TCF7L1: variants seen among roughly 807,000 people sequenced by gnomAD.
TCF7L1 encodes the protein transcription factor 7-like 1.
In TCF7L1, 18 loss-of-function variants were observed where a neutral mutation model predicts 63.7. The ratio of observed to expected loss-of-function variants is 0.28; its 90% CI spans 0.20 to 0.42. The LOEUF (loss-of-function observed/expected upper bound fraction) is 0.42. Ranked by LOEUF, TCF7L1 falls within the 10% of genes least tolerant of loss-of-function variation. TCF7L1 has a pLI of 1.00. For missense variants in TCF7L1, 654 were observed against 779.3 expected (o/e 0.84, Z 1.91); for synonymous variants, 355 against 340.9 (o/e 1.04, Z -0.46).
At chr2:85,298,983 C>T (rs1204853470) in intron 4 of TCF7L1, among the ~76,000 whole-genome samples, 2 of 151,976 alleles carry the variant, frequency 1.3e-5, no homozygotes, top group Non-Finnish European at 2.9e-5. Flanking sequence ...TAAGAACTCA[C>T]ACAGCATTTC....
At chr2:85,167,461 C>T (rs1558621837) in intron 3 of TCF7L1, 1 of 152,246 alleles carries the variant, frequency 6.6e-6, no homozygotes. Context: ...ACATTCACTG[C>T]AGCACTATTC....
chr2:85,251,513 A>G (rs934138202), intron 3 of TCF7L1, among the ~76,000 whole-genome samples: 11 of 152,172 alleles, frequency 7.2e-5, no homozygotes, highest in African/African-American at 2.7e-4. Context: ...AAGTCATCAC[A>G]CTGCTAATTG....
intron 3 of TCF7L1, among the ~76,000 whole-genome samples, chr2:85,221,340 A>G (rs1679836399): frequency 6.6e-6 from 1 of 152,190 alleles, no homozygotes; most frequent in Non-Finnish European, 1.5e-5. Context: ...TTCTTTACAG[A>G]AGTATTTCAG....
At chr2:85,263,500 G>A (rs1330236784) in intron 3 of TCF7L1, among the ~76,000 whole-genome samples, 1 of 152,166 alleles carries the variant, frequency 6.6e-6, no homozygotes, top group African/African-American at 2.4e-5. Context: ...GTTGTAGAGA[G>A]TGAGGGAAAG....
intron 3 of TCF7L1, among the ~76,000 whole-genome samples, chr2:85,163,447 C>T (rs966099612): frequency 4.6e-5 from 7 of 152,266 alleles, no homozygotes; most frequent in Non-Finnish European, 7.3e-5. Context: ...AGACCTACCT[C>T]GGACCATCCC....
intron 4 of TCF7L1, among the ~76,000 whole-genome samples, chr2:85,295,453 G>A (rs184790990): frequency 7.2e-5 from 11 of 152,104 alleles, no homozygotes; most frequent in East Asian, 1.9e-4. Context: ...TGCCCGCCTC[G>A]GCCTCCCAAA....
chr2:85,232,624 C>T (rs1680109087), intron 3 of TCF7L1, among the ~76,000 whole-genome samples: 1 of 152,166 alleles, frequency 6.6e-6, no homozygotes, highest in Non-Finnish European at 1.5e-5. Context: ...ATTCTCCTTC[C>T]CACTATTTTC....
chr2:85,155,963 G>T (rs1678135053), intron 3 of TCF7L1, among the ~76,000 whole-genome samples: 1 of 152,182 alleles, frequency 6.6e-6, no homozygotes, highest in African/African-American at 2.4e-5. Flanking sequence ...CTCATATGTG[G>T]TCCTCAGTGA....
intron 3 of TCF7L1, among the ~76,000 whole-genome samples, chr2:85,162,101 G>GT (rs1678300861): frequency 3.3e-5 from 5 of 151,940 alleles, no homozygotes; most frequent in Non-Finnish European, 5.9e-5. Flanking sequence ...TGGGTGTGGT[G>GT]ATGCATGCCT....
At chr2:85,153,381 AC>A (rs1678067761) in intron 3 of TCF7L1, among the ~76,000 whole-genome samples, 1 of 112,738 alleles carries the variant, frequency 8.9e-6, no homozygotes, top group Admixed American at 1.2e-4. Context: ...TTGCTCTGTC[AC>A]CCAGGCTGGA....
In TCF7L1 at chr2:85,134,298, C is replaced by G; in HGVS notation, c.314-25C>G. ...CTGTCAGTCCCGGGGGCCTGGGCCT[C>G]ACCTCGCCTTGGTCTTGTTCGCAGT... On this transcript the variant is annotated intron_variant, in intron 2 of 11. Transcript: ENST00000282111. The surrounding 1 kb of genome is among the most constrained non-coding windows in gnomAD (Gnocchi z 5.0). 6.4e-7 allele frequency: 1 copy of G among 1,568,462 alleles called. No individual in the cohort carries two copies. Among genetic ancestry groups the G allele is most frequent in the Non-Finnish European group, 8.6e-7 (1 of 1,156,380 alleles).
chr2:85,305,291 G>T lies in TCF7L1; in HGVS notation c.877G>T (p.Val293Leu), dbSNP rs1377343562. 6.2e-7 allele frequency: 1 copy of T among 1,613,862 alleles called. No homozygotes were observed. The highest frequency in any genetic ancestry group is 1.3e-5 in the African/African-American group (1 of 74,830). Residue 293 changes from valine to leucine, a missense_variant, in exon 8 of 12, where the codon GTG (valine) becomes TTG (leucine). By Grantham distance (32) the Val-to-Leu change is conservative. Coordinates refer to ENST00000282111, the MANE Select transcript of TCF7L1 (RefSeq NM_031283.3). ...LVSSRFSPHM[V>L]APAHPGLPTS... The stretch of plus-strand genomic sequence containing the variant: ...CTCCAGTCGGTTCTCTCCTCACATG[G>T]TGGCTCCTGCCCACCCTGGCCTGCC...
chr2:85,256,999 A>G (rs981039467), intron 3 of TCF7L1, among the ~76,000 whole-genome samples: 2 of 151,058 alleles, frequency 1.3e-5, no homozygotes, highest in African/African-American at 2.4e-5. Flanking sequence ...AAAAAATTAC[A>G]TATTAAAAAT....
chr2:85,277,948 C>A (rs570936480), intron 3 of TCF7L1, among the ~76,000 whole-genome samples: 1 of 152,298 alleles, frequency 6.6e-6, no homozygotes, highest in South Asian at 2.1e-4. Context: ...GCCCTCCCTA[C>A]CTTCTGGGAG....
At chr2:85,167,738 C>G (rs1678451481) in intron 3 of TCF7L1, among the ~76,000 whole-genome samples, 1 of 152,130 alleles carries the variant, frequency 6.6e-6, no homozygotes, top group Non-Finnish European at 1.5e-5. Flanking sequence ...GTGGCACATG[C>G]CCGTAGTTTC....
intron 3 of TCF7L1, among the ~76,000 whole-genome samples, chr2:85,176,211 G>A (rs897666723): frequency 2.0e-5 from 3 of 152,082 alleles, no homozygotes; most frequent in South Asian, 4.2e-4. Context: ...TGTAGCTCTC[G>A]TGCAGCAGCA....
chr2:85,170,518 T>C (rs1046484232), intron 3 of TCF7L1, among the ~76,000 whole-genome samples: 5 of 152,188 alleles, frequency 3.3e-5, no homozygotes, highest in Non-Finnish European at 7.3e-5. Context: ...TTATAATCAG[T>C]AGCTCTTCCT....
intron 3 of TCF7L1, among the ~76,000 whole-genome samples, chr2:85,196,657 A>C (rs192972625): frequency 1.3e-4 from 20 of 152,232 alleles, no homozygotes; most frequent in Admixed American, 7.2e-4. Flanking sequence ...GGTGCAAGCC[A>C]CCACACCCAG....
chr2:85,263,320 G>GA (rs1411186503), intron 3 of TCF7L1, among the ~76,000 whole-genome samples: 1 of 68,486 alleles, frequency 1.5e-5, no homozygotes, highest in African/African-American at 3.6e-5. Flanking sequence ...GTAGGGTGGA[G>GA]GGGGGGAAGT....
Sources: allele counts gnomAD v4.1 joint callset (sites outside exome capture counted in the v4.1 genomes callset), GRCh38; gene constraint gnomAD v4.1.1; non-coding constraint Gnocchi (gnomAD v3.1); transcripts MANE v1.5; gene names NCBI Gene and HGNC (gene_info 2026-07-23, HGNC 2026-07-21).